The following DRC12 variants were observed in gnomAD, a reference collection of about 807,000 sequenced individuals.
DRC12 encodes the protein dynein regulatory complex protein 12.
chr11:119,195,286 T>C, the DRC12 span: 1 of 772,438 alleles, frequency 1.3e-6, no homozygotes, highest in South Asian at 1.8e-5. Flanking sequence ...TGGATCTGGC[T>C]GTGAGGACAT....
the DRC12 span, chr11:119,190,862 G>T: frequency 6.2e-7 from 1 of 1,606,652 alleles, no homozygotes; most frequent in East Asian, 2.2e-5. The surrounding 1 kb of genome is among the most constrained non-coding windows in gnomAD (Gnocchi z 4.2). Context: ...CAGGATGAAA[G>T]AGAGCAGGAT....
At chr11:119,191,250 C>A in the DRC12 span, among the ~76,000 whole-genome samples, 1 of 152,042 alleles carries the variant, frequency 6.6e-6, no homozygotes, top group Non-Finnish European at 1.5e-5. Context: ...CAGGCACATG[C>A]CACCATGCCC....
the DRC12 span, chr11:119,193,181 C>T: frequency 1.2e-6 from 2 of 1,614,168 alleles, no homozygotes; most frequent in Non-Finnish European, 1.7e-6. Context: ...TTGACTTCTT[C>T]CTCCAGCTGC....
At chr11:119,195,010 G>A in the DRC12 span, 1 of 1,547,356 alleles carries the variant, frequency 6.5e-7, no homozygotes, top group Non-Finnish European at 8.7e-7. Context: ...GTGGCAAGTG[G>A]CAGAGCCTCA....
the DRC12 span, chr11:119,194,789 C>G: frequency 1.8e-6 from 1 of 571,010 alleles, no homozygotes; most frequent in Non-Finnish European, 3.2e-6. Context: ...CTCTCATCAT[C>G]TTTTTCCACT....
At chr11:119,190,632 C>T in the DRC12 span, 1 of 1,572,334 alleles carries the variant, frequency 6.4e-7, no homozygotes, top group African/African-American at 1.3e-5. The surrounding 1 kb of genome is among the most constrained non-coding windows in gnomAD (Gnocchi z 4.2). Flanking sequence ...GGTTGTCAGT[C>T]ATCATACGAG....
the DRC12 span, among the ~76,000 whole-genome samples, chr11:119,194,098 C>T: frequency 1.3e-5 from 2 of 152,122 alleles, no homozygotes; most frequent in Non-Finnish European, 2.9e-5. Context: ...ATGTTCTTTT[C>T]GGATAGCCTG....
chr11:119,194,831 C>T, the DRC12 span: 1 of 926,948 alleles, frequency 1.1e-6, no homozygotes, highest in South Asian at 1.6e-5. Context: ...TAACCCCCCA[C>T]CATACCTCCA....
the DRC12 span, among the ~76,000 whole-genome samples, chr11:119,192,017 C>T: frequency 6.1e-4 from 92 of 149,806 alleles, no homozygotes; most frequent in South Asian, 7.0e-3. Flanking sequence ...ACTCTGTTGC[C>T]GAGGCTGGAG....
chr11:119,194,243 G>T, the DRC12 span, among the ~76,000 whole-genome samples: 1 of 151,956 alleles, frequency 6.6e-6, no homozygotes, highest in Admixed American at 6.6e-5. Context: ...GGCCAGGCGC[G>T]GTGGCTCACG....
the DRC12 span, among the ~76,000 whole-genome samples, chr11:119,194,541 A>AAAAAAAAAAAAAG: frequency 4.5e-5 from 3 of 66,002 alleles, no homozygotes; most frequent in Non-Finnish European, 5.8e-5. Context: ...AAAAAAAAAA[A>AAAAAAAAAAAAAG]AAAATAAATA....
the DRC12 span, among the ~76,000 whole-genome samples, chr11:119,194,740 A>AC: frequency 7.7e-6 from 1 of 129,036 alleles, no homozygotes; most frequent in African/African-American, 3.0e-5. Flanking sequence ...AAACAAACAA[A>AC]AAAAACACCT....
At chr11:119,193,047 C>G in the DRC12 span, 11 of 1,000,402 alleles carry the variant, frequency 1.1e-5, no homozygotes, top group Non-Finnish European at 1.7e-5. Context: ...ATCCAAGAGC[C>G]CAGACGGCAG....
the DRC12 span, among the ~76,000 whole-genome samples, chr11:119,192,555 A>G: frequency 2.0e-5 from 3 of 152,238 alleles, no homozygotes; most frequent in Non-Finnish European, 2.9e-5. Context: ...AAAAGGGAAT[A>G]TGTTTTGCTC....
the DRC12 span, chr11:119,193,455 T>C: frequency 3.0e-6 from 3 of 988,786 alleles, no homozygotes; most frequent in African/African-American, 4.9e-5. Flanking sequence ...CAGTCCAGCT[T>C]TGGATGGGGA....
At chr11:119,191,152 T>A in the DRC12 span, among the ~76,000 whole-genome samples, 1 of 150,540 alleles carries the variant, frequency 6.6e-6, no homozygotes. Flanking sequence ...CAGGCTGGAG[T>A]GCAGTGGCGC....
At chr11:119,194,863 C>G in the DRC12 span, 1 of 1,305,010 alleles carries the variant, frequency 7.7e-7, no homozygotes, top group East Asian at 2.6e-5. Flanking sequence ...CCCCAGGATA[C>G]AGAAATGCCC....
At chr11:119,190,424 A>C in the DRC12 span, 2 of 1,613,984 alleles carry the variant, frequency 1.2e-6, no homozygotes, top group Admixed American at 1.7e-5. This position sits in a 1 kb window ranked among gnomAD's most constrained non-coding sequence, Gnocchi z 4.2. Context: ...GATGGCTCTC[A>C]GCTTGGCCAA....
chr11:119,195,489 T>C, the DRC12 span: 1 of 1,551,140 alleles, frequency 6.4e-7, no homozygotes, highest in African/African-American at 1.4e-5. Context: ...AGGTGGCATC[T>C]CCTTGCTGTC....
Sources: allele counts gnomAD v4.1 joint callset (sites outside exome capture counted in the v4.1 genomes callset), GRCh38; gene constraint gnomAD v4.1.1; non-coding constraint Gnocchi (gnomAD v3.1); transcripts MANE v1.5; gene names NCBI Gene and HGNC (gene_info 2026-07-23, HGNC 2026-07-21).